ST3GAL2: variants seen among roughly 807,000 people sequenced by gnomAD.
ST3GAL2 encodes CMP-N-acetylneuraminate-beta-galactosamide-alpha-2,3-sialyltransferase 2.
In ST3GAL2, 16 loss-of-function variants were observed where a neutral mutation model predicts 37.5. The ratio of observed to expected loss-of-function variants is 0.43; its 90% CI spans 0.29 to 0.65. The LOEUF is 0.65. Ranked by LOEUF, ST3GAL2 falls within the 30% of genes least tolerant of loss-of-function variation. The probability of loss-of-function intolerance (pLI) is 0.17; values close to 1 mark genes in which losing one functional copy is unlikely to be tolerated. For synonymous variants in ST3GAL2, 238 were observed against 202.9 expected (o/e 1.17, Z -1.47); for missense variants, 383 against 487.8 (o/e 0.79, Z 2.02).
intron 1 of ST3GAL2, among the ~76,000 whole-genome samples, chr16:70,431,304 C>G (rs1438881082): frequency 2.0e-5 from 3 of 152,230 alleles, no homozygotes; most frequent in Non-Finnish European, 2.9e-5. Flanking sequence ...CCAATTTTCT[C>G]CCTCCAAAGG....
chr16:70,392,565 T>C (rs2047489007), intron 3 of ST3GAL2, among the ~76,000 whole-genome samples: 1 of 152,176 alleles, frequency 6.6e-6, no homozygotes, highest in Non-Finnish European at 1.5e-5. Flanking sequence ...TGGATGGATC[T>C]GCTGGCCAAC....
chr16:70,386,288 C>T (rs905877339), intron 4 of ST3GAL2, among the ~76,000 whole-genome samples: 5 of 151,224 alleles, frequency 3.3e-5, no homozygotes, highest in African/African-American at 1.2e-4. Context: ...CCCGGGTTCA[C>T]GCCATTCTCC....
At chr16:70,427,338 CTT>C (rs561028894) in intron 1 of ST3GAL2, among the ~76,000 whole-genome samples, 54 of 132,902 alleles carry the variant, frequency 4.1e-4, no homozygotes, top group Middle Eastern at 4.0e-3. Flanking sequence ...ACCCAGTCTT[CTT>C]TTTTTTTTTT....
intron 4 of ST3GAL2, among the ~76,000 whole-genome samples, chr16:70,384,480 C>T (rs1213876173): frequency 1.4e-5 from 2 of 147,264 alleles, no homozygotes; most frequent in African/African-American, 2.5e-5. Flanking sequence ...GCCGAGGGGG[C>T]CAGATCACAA....
intron 4 of ST3GAL2, among the ~76,000 whole-genome samples, chr16:70,384,172 A>G (rs891081500): frequency 3.9e-5 from 6 of 152,214 alleles, no homozygotes; most frequent in African/African-American, 7.2e-5. Context: ...TTTTGTGTTT[A>G]TAAAATACAT....
chr16:70,384,653 C>T (rs1466850599), intron 4 of ST3GAL2, among the ~76,000 whole-genome samples: 1 of 143,560 alleles, frequency 7.0e-6, no homozygotes, highest in African/African-American at 2.6e-5. Context: ...TGCAGTGAGC[C>T]GACATTGTGC....
At chr16:70,395,601 C>T (rs2047510256) in intron 2 of ST3GAL2, among the ~76,000 whole-genome samples, 2 of 152,210 alleles carry the variant, frequency 1.3e-5, no homozygotes, top group South Asian at 4.1e-4. Context: ...GAAGCCACGT[C>T]CAGGGTGACA....
chr16:70,385,407 G>T lies in ST3GAL2; in HGVS notation c.714-2172C>A, dbSNP rs868525845. Reference sequence around the variant, plus strand: ...GGAGAATGGAGAGTTAGTGTTTAAGGTGTACAGTTTCCATTTGGGATAATG... The same window carrying T: ...GGAGAATGGAGAGTTAGTGTTTAAGTTGTACAGTTTCCATTTGGGATAATG... On this transcript the variant is annotated intron_variant, in intron 4 of 6. Coordinates refer to ENST00000342907, the MANE Select transcript of ST3GAL2 (RefSeq NM_006927.4). Among the ~76,000 whole-genome samples, 33 of 152,306 alleles carry T rather than the reference G, an allele frequency of 2.2e-4. No individual in the cohort carries two copies. The Middle Eastern group carries it at 0.027, about 126-fold the overall frequency.
At chr16:70,421,629 T>C (rs1567675978) in intron 1 of ST3GAL2, among the ~76,000 whole-genome samples, 1 of 152,152 alleles carries the variant, frequency 6.6e-6, no homozygotes. Context: ...GCCCACATGA[T>C]GGTGCTATCA....
chr16:70,438,394 A>C (rs1282098510), intron 1 of ST3GAL2, among the ~76,000 whole-genome samples: 1 of 152,198 alleles, frequency 6.6e-6, no homozygotes, highest in Non-Finnish European at 1.5e-5. Context: ...TTCTGGCTTC[A>C]GCCGTGCCTC....
rs1201361693 is a variant in ST3GAL2, at chr16:70,398,218, G to A, written c.313C>T (p.Pro105Ser). Residue 105 changes from proline (P) to serine (S), a missense_variant, in exon 2 of 7, where the codon CCA becomes TCA. Pro to Ser is a moderately conservative substitution (Grantham distance 74, BLOSUM62 -1). This residue lies in a region of ST3GAL2 where 223 missense variants were observed against 239.1 expected (regional missense o/e 0.93). Coordinates refer to ENST00000342907, the MANE Select transcript of ST3GAL2 (RefSeq NM_006927.4). ...ATCCACCACCTCTGGACGTCCGGTG[G>A]AAGATCCATGTTCTCTCGGGTCCAG... ...PVWTRENMDL[P>S]PDVQRWWMML... The A allele has an allele frequency of 6.2e-7, 1 of 1,613,172 alleles. No homozygotes were observed. Among genetic ancestry groups the A allele is most frequent in the African/African-American group, 1.3e-5 (1 of 74,948 alleles).
intron 1 of ST3GAL2, among the ~76,000 whole-genome samples, chr16:70,404,160 G>T (rs1225192737): frequency 6.6e-6 from 1 of 152,228 alleles, no homozygotes. Context: ...AAAGATCTAG[G>T]GAGGGTCTAC....
chr16:70,397,874 C>T (rs547382816), intron 2 of ST3GAL2, among the ~76,000 whole-genome samples: 9 of 152,220 alleles, frequency 5.9e-5, no homozygotes, highest in East Asian at 1.9e-4. Context: ...CTGCTGGGGC[C>T]GAGGGGCGGC....
Position 70,398,573 on chromosome 16 carries a change from C to G in ST3GAL2, c.-43G>C. On this transcript the variant is annotated 5_prime_UTR_variant, in exon 2 of 7. Transcript: ENST00000342907. Reference sequence around the variant, plus strand: ...GACGGTCACCGTGGCCACTCTTTTCCCAGCCCGCTGAGGGGCCAGCCACGG... The same window carrying G: ...GACGGTCACCGTGGCCACTCTTTTCGCAGCCCGCTGAGGGGCCAGCCACGG... 7 of 1,526,200 alleles carry G rather than the reference C, an allele frequency of 4.6e-6. No individual in the cohort carries two copies. The highest frequency in any genetic ancestry group is 1.4e-5 in the African/African-American group (1 of 73,096). The allele number at this position is 1,526,200 out of a possible 1,614,324, so 94.5% of individuals were successfully genotyped here.
In ST3GAL2 at chr16:70,378,707, A is replaced by G. The variant is rs991417457; in HGVS notation, c.*2982T>C. Reference sequence around the variant, plus strand: ...AGAGTGAGAATCAGTCTCAAAAAAAAAAAATCGGCCAGGCACACTGGCTCA... The same window carrying G: ...AGAGTGAGAATCAGTCTCAAAAAAAGAAAATCGGCCAGGCACACTGGCTCA... On this transcript the variant is annotated 3_prime_UTR_variant, in exon 7 of 7. Coordinates refer to ENST00000342907, the MANE Select transcript of ST3GAL2 (RefSeq NM_006927.4). 6.6e-6 allele frequency: 1 copy of G among 150,590 alleles called. No individual in the cohort carries two copies. The highest frequency in any genetic ancestry group is 1.5e-5 in the Non-Finnish European group (1 of 67,848). 9.3% of individuals were successfully genotyped at this position (150,590 alleles called of 1,614,324 possible).
intron 4 of ST3GAL2, among the ~76,000 whole-genome samples, chr16:70,388,048 G>A (rs532971715): frequency 7.9e-5 from 12 of 151,308 alleles, no homozygotes; most frequent in African/African-American, 2.9e-4. Flanking sequence ...GGAGGCGGAT[G>A]TTGCAGTGAG....
At chr16:70,401,935 A>G (rs2047558234) in intron 1 of ST3GAL2, among the ~76,000 whole-genome samples, 2 of 143,922 alleles carry the variant, frequency 1.4e-5, no homozygotes, top group Admixed American at 7.4e-5. Context: ...CGGAGGTTGC[A>G]GTGCGCCAAG....
chr16:70,418,547 A>C (rs982551695), intron 1 of ST3GAL2, among the ~76,000 whole-genome samples: 2 of 152,138 alleles, frequency 1.3e-5, no homozygotes, highest in African/African-American at 4.8e-5. Context: ...TTCAAGGAGG[A>C]AAAGGCAGGT....
In ST3GAL2 at chr16:70,411,016, G is replaced by C. The variant is rs114705834; in HGVS notation, c.-1003-11483C>G. 3.3e-3 allele frequency among the ~76,000 whole-genome samples: 500 copies of C among 152,180 alleles called. 1 individual carries two copies. Among genetic ancestry groups the C allele is most frequent in the African/African-American group, 0.011 (445 of 41,536 alleles). ...CCTGTCCCTTTTTCACCAGGAATTG[G>C]TTTGAGGATGGACCAGCTCAGGTCA... On this transcript the variant is annotated intron_variant, in intron 1 of 6. Coordinates refer to ENST00000342907, the MANE Select transcript of ST3GAL2 (RefSeq NM_006927.4).
Sources: gnomAD v4.1 joint callset for allele counts (sites outside exome capture counted in the v4.1 genomes callset) on GRCh38, gnomAD v4.1.1 for gene constraint, gnomAD v4.1.1 regional missense constraint, MANE v1.5 for transcripts, NCBI Gene and HGNC (gene_info 2026-07-23, HGNC 2026-07-21) for gene names.